HMCN1: variants seen among roughly 807,000 people sequenced by gnomAD.
HMCN1 encodes the protein hemicentin 1, also known as hemicentin-1.
A neutral mutation model predicts 625.9 loss-of-function variants in HMCN1; 321 were observed. That is an observed-to-expected ratio of 0.51 (90% CI 0.47 to 0.56). The LOEUF (loss-of-function observed/expected upper bound fraction) is 0.56. HMCN1 is among the 20% of genes least tolerant of loss of function. HMCN1 has a pLI of 0.00. For synonymous variants in HMCN1, 2,425 were observed against 2,417.6 expected, an observed-to-expected ratio of 1.00 and a Z score of -0.09; for missense variants, 6,588 against 6,887.3, an observed-to-expected ratio of 0.96 and a Z score of 1.54.
chr1:185,878,719 A>G (rs890747843), intron 4 of HMCN1, among the ~76,000 whole-genome samples: 3 of 152,158 alleles, frequency 2.0e-5, no homozygotes, highest in Admixed American at 6.5e-5. Context: ...ATCTAATATT[A>G]TATTACATAT....
chr1:185,930,163 G>C (rs972346404), intron 10 of HMCN1, among the ~76,000 whole-genome samples: 1 of 152,146 alleles, frequency 6.6e-6, no homozygotes, highest in African/African-American at 2.4e-5. Context: ...CCAGGCAATG[G>C]AATAACTAGG....
intron 67 of HMCN1, among the ~76,000 whole-genome samples, chr1:186,094,852 G>A (rs1017549893): frequency 2.0e-5 from 3 of 152,018 alleles, no homozygotes; most frequent in African/African-American, 4.8e-5. Context: ...GTTAAGTAAC[G>A]CTTTATTGTA....
chr1:186,018,036 T>C, intron 33 of HMCN1, 147 bp from the exon 34 acceptor site: 2 of 758,990 alleles, frequency 2.6e-6, no homozygotes, highest in South Asian at 3.3e-5. Context: ...CCGGGTTTCC[T>C]TTTTGCTTCT....
At chr1:185,769,449 A>C (rs1210667991) in intron 1 of HMCN1, among the ~76,000 whole-genome samples, 6 of 152,146 alleles carry the variant, frequency 3.9e-5, no homozygotes, top group African/African-American at 1.4e-4. Context: ...CCTGTCTCAA[A>C]AAAAGAAAGA....
chr1:186,095,195 C>G, intron 67 of HMCN1, 48 bp from the exon 68 acceptor site: 2 of 1,577,442 alleles, frequency 1.3e-6, no homozygotes, highest in South Asian at 2.2e-5. Flanking sequence ...AAATTGATCT[C>G]AAATTACAAT....
At chr1:186,182,069 T>A (rs904120663) in intron 104 of HMCN1, 99 bp from the exon 105 acceptor site, 1 of 1,364,082 alleles carries the variant, frequency 7.3e-7, no homozygotes, top group Admixed American at 1.7e-5. Flanking sequence ...CACCAAGAAG[T>A]TTTTCTAATG....
In HMCN1 at chr1:185,988,435, C is replaced by G. The variant is rs1267638846; in HGVS notation, c.3048+891C>G. ...TATAATTAGCACTACTAGTGTTTTG[C>G]CATACCATCTAGTTTTATCTATCTA... is the stretch of plus-strand genomic sequence containing the variant. On this transcript the variant is annotated intron_variant, in intron 20 of 106. Coordinates refer to ENST00000271588, the MANE Select transcript of HMCN1 (RefSeq NM_031935.3). 2.6e-5 allele frequency among the ~76,000 whole-genome samples: 4 copies of G among 152,088 alleles called. No individual in the cohort carries two copies. The South Asian group carries it at 8.3e-4, about 32-fold the overall frequency.
Position 186,000,083 on chromosome 1 carries a change from A to G in HMCN1, c.3913A>G (p.Arg1305Gly). The G allele has an allele frequency of 6.2e-7, 1 of 1,613,096 alleles. No homozygotes were observed. The highest frequency in any genetic ancestry group is 8.5e-7 in the Non-Finnish European group (1 of 1,179,344). Residue 1305 changes from arginine (R) to glycine (G), a missense_variant, in exon 26 of 107, where the codon AGA becomes GGA. Physicochemically the swap from Arg to Gly is moderately radical, Grantham distance 125. Transcript: ENST00000271588. ...KPTIKWLHNG[R>G]ELTGREPGIS... ...AACCATCAAATGGTTACACAATGGT[A>G]GAGAGTTGACAGGCAGAGAGCCTGG...
chr1:185,743,447 C>T (rs1654123917), intron 1 of HMCN1, among the ~76,000 whole-genome samples: 1 of 152,148 alleles, frequency 6.6e-6, no homozygotes, highest in African/African-American at 2.4e-5. Flanking sequence ...TTGAATGTTT[C>T]TAAAGCAGGT....
At chr1:185,893,394 T>C (rs1665274320) in intron 4 of HMCN1, among the ~76,000 whole-genome samples, 1 of 152,210 alleles carries the variant, frequency 6.6e-6, no homozygotes, top group Non-Finnish European at 1.5e-5. Flanking sequence ...TTATATAGGT[T>C]GATTGGAAGT....
At chr1:185,943,756 C>T (rs1057292975) in intron 11 of HMCN1, among the ~76,000 whole-genome samples, 3 of 152,142 alleles carry the variant, frequency 2.0e-5, no homozygotes, top group Admixed American at 2.0e-4. Flanking sequence ...TCTCTAGCTT[C>T]AGTATTCTAC....
Position 186,039,784 on chromosome 1 carries a change from G to A in HMCN1, c.6085G>A (p.Val2029Met). 7 of 1,613,484 alleles carry A rather than the reference G, an allele frequency of 4.3e-6. No individual in the cohort carries two copies. The highest frequency in any genetic ancestry group is 5.9e-6 in the Non-Finnish European group (7 of 1,179,580). The change falls in exon 39 of 107, where the codon GTG becomes ATG. Residue 2029 changes from valine to methionine, a missense_variant. Coordinates refer to ENST00000271588, the MANE Select transcript of HMCN1 (RefSeq NM_031935.3). Reference protein sequence around the residue: ...NMVAVVVNNPVRLECEARGIP... With the variant: ...NMVAVVVNNPMRLECEARGIP... ...GGTGGCAGTGGTGGTTAATAACCCG[G>A]TGAGGTTAGAATGTGAAGCCAGAGG... is the stretch of plus-strand genomic sequence containing the variant.
chr1:186,001,308 A>T lies in HMCN1; in HGVS notation c.4080A>T (p.Val1360=). 1 of 1,611,180 alleles carries T rather than the reference A, an allele frequency of 6.2e-7. No individual in the cohort carries two copies. ...CCTCTCTTTTTGCAGTTCCTCCAGT[A>T]ATTAAAGATAAAGAACAAGTTACAA... ...KYNLKVHVPP[V]IKDKEQVTNV... Residue 1360 remains valine (V), a synonymous_variant, in exon 27 of 107, where the codon GTA becomes GTT. Transcript: ENST00000271588.
At chr1:185,897,137 T>A (rs1050018284) in intron 4 of HMCN1, among the ~76,000 whole-genome samples, 2 of 152,222 alleles carry the variant, frequency 1.3e-5, no homozygotes, top group African/African-American at 4.8e-5. Flanking sequence ...GAACACTGAA[T>A]CTAAGCTATC....
chr1:185,832,157 G>A (rs938626695), intron 1 of HMCN1, among the ~76,000 whole-genome samples: 17 of 152,066 alleles, frequency 1.1e-4, no homozygotes, highest in Admixed American at 3.9e-4. Context: ...TTAGCTGGGC[G>A]TGGTGGCGCA....
At chr1:185,782,830 T>C (rs1374576831) in intron 1 of HMCN1, among the ~76,000 whole-genome samples, 5 of 152,108 alleles carry the variant, frequency 3.3e-5, no homozygotes, top group Non-Finnish European at 5.9e-5. Flanking sequence ...TGTCTTGGAG[T>C]TGCTCTTCTT....
intron 22 of HMCN1, 136 bp downstream of exon 22, chr1:185,990,579 T>A: frequency 1.4e-6 from 1 of 739,690 alleles, no homozygotes; most frequent in South Asian, 1.5e-5. Context: ...TACATCTGAG[T>A]CTACAGGAAG....
At chr1:185,775,553 G>T (rs900996793) in intron 1 of HMCN1, among the ~76,000 whole-genome samples, 6 of 152,174 alleles carry the variant, frequency 3.9e-5, no homozygotes, top group African/African-American at 1.4e-4. Context: ...ATATAAACAG[G>T]CTGGCTCCTA....
intron 4 of HMCN1, among the ~76,000 whole-genome samples, chr1:185,894,246 C>A (rs1665345309): frequency 6.6e-6 from 1 of 152,146 alleles, no homozygotes; most frequent in Non-Finnish European, 1.5e-5. Context: ...TGAAATCATA[C>A]AGTACACTTC....
Sources: gnomAD v4.1 joint callset for allele counts (sites outside exome capture counted in the v4.1 genomes callset) on GRCh38, gnomAD v4.1.1 for gene constraint, MANE v1.5 for transcripts, NCBI Gene and HGNC (gene_info 2026-07-23, HGNC 2026-07-21) for gene names.